Variants in PAM observed in about 807,000 individuals in gnomAD.
PAM encodes peptidylglycine alpha-amidating monooxygenase.
PAM carries 72 observed loss-of-function variants against 122.1 expected under a neutral mutation model. The observed-to-expected ratio is 0.59, with a 90% CI of 0.49 to 0.72. PAM has a LOEUF of 0.72. Among genes scored for constraint, PAM ranks in the 30% least tolerant of loss-of-function variants. The probability of loss-of-function intolerance (pLI) is 0.00; values close to 1 mark genes in which losing one functional copy is unlikely to be tolerated. For synonymous variants in PAM, 389 were observed against 404.4 expected (o/e 0.96, Z 0.46); for missense variants, 1,106 against 1,183.7 (o/e 0.93, Z 0.96).
At chr5:102,893,017 A>G (rs1433283549) in intron 3 of PAM, among the ~76,000 whole-genome samples, 4 of 151,804 alleles carry the variant, frequency 2.6e-5, no homozygotes, top group Non-Finnish European at 5.9e-5. Flanking sequence ...ACCTCTGGGT[A>G]TCAAGGGAAG....
In PAM at chr5:103,013,270, T is replaced by C. The variant is rs200189226; in HGVS notation, c.2331+3404T>C. ...CATCAGCATTTTATAGTTTTCATTG[T>C]AGAGATCTTTCACTTCTTTGGTTAA... On this transcript the variant is annotated intron_variant, in intron 21 of 25. Coordinates refer to ENST00000438793, the MANE Select transcript of PAM (RefSeq NM_001177306.2). Among the ~76,000 whole-genome samples the C allele has an allele frequency of 2.0e-5, 3 of 152,192 alleles. No individual in the cohort carries two copies. In the East Asian group the frequency reaches 5.8e-4, roughly 29 times the overall value.
At chr5:102,822,473 GAGAGGAAACC>G (rs1044683176) in intron 1 of PAM, among the ~76,000 whole-genome samples, 36 of 152,090 alleles carry the variant, frequency 2.4e-4, no homozygotes, top group Non-Finnish European at 1.5e-5. Context: ...TTTGGAATGT[GAGAGGAAACC>G]AGAGTACCCA....
rs113171445 is a variant in PAM at position 102,902,680 on chromosome 5, A to G, written c.268+1267A>G. On this transcript the variant is annotated intron_variant, in intron 4 of 25. Transcript: ENST00000438793. The stretch of plus-strand genomic sequence containing the variant: ...TCATATTAACACACTTGGCCACCTA[A>G]GAGAAAATAATATTTACTCGCAAAA... Among the ~76,000 whole-genome samples the G allele has an allele frequency of 2.5e-3, 384 of 151,640 alleles. 3 individuals carry two copies. The highest frequency in any genetic ancestry group is 8.6e-3 in the African/African-American group (358 of 41,466).
intron 1 of PAM, among the ~76,000 whole-genome samples, chr5:102,800,748 G>A (rs1764493577): frequency 6.6e-6 from 1 of 152,096 alleles, no homozygotes; most frequent in African/African-American, 2.4e-5. Context: ...TCCCTGGTCT[G>A]GACATAGACA....
At chr5:102,801,484 G>A (rs1054564814) in intron 1 of PAM, among the ~76,000 whole-genome samples, 2 of 152,106 alleles carry the variant, frequency 1.3e-5, no homozygotes, top group Non-Finnish European at 2.9e-5. Context: ...AGAAGGAATC[G>A]TAGCACTGTG....
Position 102,922,951 on chromosome 5 carries a change from A to C in PAM, c.357-2006A>C, listed in dbSNP as rs552154557. Among the ~76,000 whole-genome samples, 3 of 152,336 alleles carry C rather than the reference A, an allele frequency of 2.0e-5. No homozygotes were observed. In the South Asian group the frequency reaches 6.2e-4, roughly 32 times the overall value. ...TTAGCACACTTGGCACAAGGATGTC[A>C]CAGACATTTCTTCCAACGTACAATT... On this transcript the variant is annotated intron_variant, in intron 5 of 25. Transcript: ENST00000438793.
intron 7 of PAM, among the ~76,000 whole-genome samples, chr5:102,943,122 A>T (rs1008580988): frequency 2.0e-5 from 3 of 152,128 alleles, no homozygotes; most frequent in African/African-American, 7.2e-5. Context: ...ATAACAATAC[A>T]TTGGTTCCCT....
intron 22 of PAM, among the ~76,000 whole-genome samples, chr5:103,019,142 G>A (rs1164982730): frequency 1.3e-5 from 1 of 76,912 alleles, no homozygotes; most frequent in Non-Finnish European, 3.0e-5. Flanking sequence ...TTTACCTACG[G>A]GGGGGGACTG....
intron 15 of PAM, among the ~76,000 whole-genome samples, chr5:102,977,792 G>A (rs1213798026): frequency 6.6e-6 from 1 of 151,940 alleles, no homozygotes; most frequent in African/African-American, 2.4e-5. Context: ...AATATTGCAA[G>A]TCCAGGTACC....
intron 16 of PAM, among the ~76,000 whole-genome samples, chr5:102,991,726 T>C (rs1190606816): frequency 6.6e-6 from 1 of 152,162 alleles, no homozygotes; most frequent in East Asian, 1.9e-4. Flanking sequence ...GAGTTCAAAG[T>C]AAATAATCAA....
chr5:103,020,702 C>A (rs1783310837), intron 23 of PAM, among the ~76,000 whole-genome samples: 1 of 152,096 alleles, frequency 6.6e-6, no homozygotes, highest in African/African-American at 2.4e-5. Flanking sequence ...ACAAATGATT[C>A]ACCTAGACAT....
chr5:102,784,984 A>G (rs1159643861), intron 1 of PAM, among the ~76,000 whole-genome samples: 1 of 152,266 alleles, frequency 6.6e-6, no homozygotes, highest in African/African-American at 2.4e-5. Context: ...CAAAAAAGCA[A>G]TGCCCGCATA....
intron 3 of PAM, among the ~76,000 whole-genome samples, chr5:102,872,273 T>G (rs1009877050): frequency 5.3e-5 from 8 of 152,300 alleles, no homozygotes; most frequent in African/African-American, 1.9e-4. Context: ...ATTCTGAGTT[T>G]AAGAATCACA....
chr5:102,759,978 G>A (rs1021213659), intron 1 of PAM, among the ~76,000 whole-genome samples: 1 of 152,126 alleles, frequency 6.6e-6, no homozygotes, highest in Non-Finnish European at 1.5e-5. Context: ...TCAAGCAGGT[G>A]GGAGATGAGT....
At chr5:103,016,916 A>G (rs1409290434) in intron 21 of PAM, among the ~76,000 whole-genome samples, 1 of 152,242 alleles carries the variant, frequency 6.6e-6, no homozygotes, top group Non-Finnish European at 1.5e-5. Flanking sequence ...ATTAATACCT[A>G]GACTTTTTTA....
At chr5:102,761,853 T>C (rs1752448420) in intron 1 of PAM, among the ~76,000 whole-genome samples, 1 of 152,220 alleles carries the variant, frequency 6.6e-6, no homozygotes, top group Non-Finnish European at 1.5e-5. Context: ...TAAAGAAAAC[T>C]TTTTGTAGGT....
At chr5:103,028,153 T>A (rs1221435137) in intron 24 of PAM, 32 bp from the exon 25 acceptor site, 1 of 1,578,676 alleles carries the variant, frequency 6.3e-7, no homozygotes. Context: ...TGACTGGGAC[T>A]CATTTTGAAA....
At chr5:103,014,277 C>A (rs1281370941) in intron 21 of PAM, among the ~76,000 whole-genome samples, 1 of 152,170 alleles carries the variant, frequency 6.6e-6, no homozygotes, top group African/African-American at 2.4e-5. Context: ...TCATAAAAAT[C>A]TGAAGAGTTC....
intron 1 of PAM, among the ~76,000 whole-genome samples, chr5:102,774,341 G>A (rs1580889712): frequency 6.6e-6 from 1 of 152,074 alleles, no homozygotes; most frequent in African/African-American, 2.4e-5. Context: ...CACCAAAAGT[G>A]TGTAAATGTT....
Sources: gnomAD v4.1 joint callset for allele counts (sites outside exome capture counted in the v4.1 genomes callset) on GRCh38, gnomAD v4.1.1 for gene constraint, MANE v1.5 for transcripts, NCBI Gene and HGNC (gene_info 2026-07-23, HGNC 2026-07-21) for gene names.